Variants in SESN3 observed in about 807,000 individuals in gnomAD.
SESN3 encodes the protein sestrin 3.
SESN3 carries 21 observed loss-of-function variants against 55.3 expected under a neutral mutation model. That is an observed-to-expected ratio of 0.38 (90% CI 0.27 to 0.55). The LOEUF is 0.55. Among genes scored for constraint, SESN3 ranks in the 20% least tolerant of loss-of-function variants. The pLI is 0.76. For missense variants in SESN3, 408 were observed against 604.3 expected (o/e 0.68, Z 3.41); for synonymous variants, 181 against 203.1 (o/e 0.89, Z 0.93).
intron 1 of SESN3, among the ~76,000 whole-genome samples, chr11:95,226,540 A>G (rs1006944284): frequency 6.6e-6 from 1 of 152,238 alleles, no homozygotes; most frequent in Non-Finnish European, 1.5e-5. Flanking sequence ...TTAGTAATAA[A>G]GTTACAACTA....
At chr11:95,209,795 TC>T (rs1448030410) in intron 1 of SESN3, among the ~76,000 whole-genome samples, 1 of 150,586 alleles carries the variant, frequency 6.6e-6, no homozygotes, top group Non-Finnish European at 1.5e-5. Context: ...GGCGGGTGGA[TC>T]TCCTGAGGTT....
intron 6 of SESN3, chr11:95,182,273 A>C: frequency 1.0e-5 from 2 of 197,636 alleles, no homozygotes; most frequent in South Asian, 1.4e-4. Context: ...ACTAACTTTA[A>C]TATAAATGTT....
intron 1 of SESN3, among the ~76,000 whole-genome samples, chr11:95,205,242 G>C (rs1485354283): frequency 6.6e-6 from 1 of 152,070 alleles, no homozygotes; most frequent in Non-Finnish European, 1.5e-5. Context: ...TCAGAGTAAA[G>C]AGCTTTGATA....
intron 9 of SESN3, among the ~76,000 whole-genome samples, chr11:95,173,952 AATATT>A (rs1390982343): frequency 6.6e-6 from 1 of 152,148 alleles, no homozygotes; most frequent in Non-Finnish European, 1.5e-5. Context: ...AATATGTTTT[AATATT>A]ATATTCTTTT....
At chr11:95,184,105 T>TA (rs1369988304) in intron 6 of SESN3, 10 of 376,886 alleles carry the variant, frequency 2.7e-5, no homozygotes, top group South Asian at 1.1e-4. Context: ...TTATCATTTT[T>TA]AAAAAATCAC....
intron 1 of SESN3, among the ~76,000 whole-genome samples, chr11:95,201,655 T>A (rs929425167): frequency 6.6e-6 from 1 of 151,932 alleles, no homozygotes; most frequent in Non-Finnish European, 1.5e-5. Context: ...TCTACAAAGG[T>A]GGAAATAATT....
At chr11:95,220,751 C>T (rs768959542) in intron 1 of SESN3, among the ~76,000 whole-genome samples, 9 of 152,102 alleles carry the variant, frequency 5.9e-5, no homozygotes, top group Non-Finnish European at 1.3e-4. Context: ...GTGTTTATAC[C>T]TGCATAATGA....
chr11:95,215,894 C>T (rs1459124435), intron 1 of SESN3, among the ~76,000 whole-genome samples: 2 of 151,776 alleles, frequency 1.3e-5, no homozygotes, highest in East Asian at 1.9e-4. Context: ...GTCAGGAGAT[C>T]GAGACCATCC....
chr11:95,194,415 G>C (rs1043365152), intron 1 of SESN3, among the ~76,000 whole-genome samples: 4 of 151,966 alleles, frequency 2.6e-5, no homozygotes, highest in African/African-American at 4.8e-5. Context: ...AGGCAGTCAG[G>C]CATTTAACAC....
chr11:95,208,401 C>T lies in SESN3; in HGVS notation c.79-14879G>A, dbSNP rs529517041. On this transcript the variant is annotated intron_variant, in intron 1 of 9. Coordinates refer to ENST00000536441, the MANE Select transcript of SESN3 (RefSeq NM_144665.4). ...GGACTTCAAATACAGCTGTTCCTTC[C>T]CAAGAATGTAATCTCCAAAAAATAC... is the stretch of plus-strand genomic sequence containing the variant. Among the ~76,000 whole-genome samples, 62 of 151,396 alleles carry T rather than the reference C, an allele frequency of 4.1e-4. 3 individuals are homozygous for T. The highest frequency in any genetic ancestry group is 1.5e-3 in the African/African-American group (60 of 41,300).
intron 1 of SESN3, among the ~76,000 whole-genome samples, chr11:95,211,742 C>A (rs549784723): frequency 3.4e-4 from 51 of 152,060 alleles, no homozygotes; most frequent in Non-Finnish European, 5.9e-4. Flanking sequence ...TGCACTCCAG[C>A]CTGGGTGACA....
chr11:95,167,416 C>T lies in SESN3; in HGVS notation c.*5839G>A, dbSNP rs191286617. ...AGGCTATTTTGTGGTATGCCCTGCA[C>T]GATCTCAAAGATTTCCACAAGCATT... On this transcript the variant is annotated 3_prime_UTR_variant, in exon 10 of 10. Transcript: ENST00000536441. 5.9e-5 allele frequency: 9 copies of T among 152,006 alleles called. No homozygotes were observed. Among genetic ancestry groups the T allele is most frequent in the Middle Eastern group, 6.8e-3 (2 of 294 alleles). 9.4% of individuals were successfully genotyped at this position (152,006 alleles called of 1,614,324 possible).
chr11:95,178,689 T>G (rs1210224064), intron 7 of SESN3, 21 bp downstream of exon 7: 5 of 1,415,256 alleles, frequency 3.5e-6, no homozygotes, highest in Non-Finnish European at 5.0e-6. Context: ...CTAGTTTCTC[T>G]GAATTAAAGA....
chr11:95,220,205 G>A, intron 1 of SESN3, among the ~76,000 whole-genome samples: 1 of 151,924 alleles, frequency 6.6e-6, no homozygotes, highest in East Asian at 1.9e-4. Flanking sequence ...CCAAATGAGT[G>A]GTGGAAATGA....
At chr11:95,196,595 AG>A (rs1444739925) in intron 1 of SESN3, among the ~76,000 whole-genome samples, 1 of 152,176 alleles carries the variant, frequency 6.6e-6, no homozygotes, top group Non-Finnish European at 1.5e-5. Flanking sequence ...TAAAGTCTCT[AG>A]ACCTACGTTC....
chr11:95,187,360 A>G (rs1477067899), intron 4 of SESN3, among the ~76,000 whole-genome samples: 2 of 151,964 alleles, frequency 1.3e-5, no homozygotes, highest in East Asian at 3.9e-4. Flanking sequence ...TAAACCTGAA[A>G]GGACAGCCAA....
intron 1 of SESN3, among the ~76,000 whole-genome samples, chr11:95,220,703 T>C (rs951909929): frequency 1.3e-5 from 2 of 152,190 alleles, no homozygotes; most frequent in African/African-American, 4.8e-5. Flanking sequence ...TATAACAGCC[T>C]TTCACACAAA....
At chr11:95,184,227 A>G in intron 6 of SESN3, 193 bp downstream of exon 6, 1 of 603,070 alleles carries the variant, frequency 1.7e-6, no homozygotes, top group Non-Finnish European at 2.9e-6. Context: ...GTTTCTCTCA[A>G]CTCAATCTGA....
chr11:95,191,849 A>G (rs1224409935), intron 2 of SESN3, among the ~76,000 whole-genome samples: 1 of 152,100 alleles, frequency 6.6e-6, no homozygotes, highest in African/African-American at 2.4e-5. Flanking sequence ...GCTATGAATG[A>G]AGAAAAGAAG....
Sources: gnomAD v4.1 joint callset for allele counts (sites outside exome capture counted in the v4.1 genomes callset) on GRCh38, gnomAD v4.1.1 for gene constraint, MANE v1.5 for transcripts, NCBI Gene and HGNC (gene_info 2026-07-23, HGNC 2026-07-21) for gene names.